Variants in KCNIP4 observed in about 807,000 individuals in gnomAD.
KCNIP4 encodes Kv channel-interacting protein 4.
KCNIP4 carries 12 observed loss-of-function variants against 34.0 expected under a neutral mutation model. The ratio of observed to expected loss-of-function variants is 0.35; its 90% CI spans 0.23 to 0.57. The LOEUF (loss-of-function observed/expected upper bound fraction) is 0.57. Ranked by LOEUF, KCNIP4 falls within the 20% of genes least tolerant of loss-of-function variation. The pLI, the probability that KCNIP4 is intolerant of heterozygous loss-of-function variation, is 0.83. For synonymous variants in KCNIP4, 124 were observed against 102.2 expected (o/e 1.21, Z -1.29); for missense variants, 238 against 311.7 (o/e 0.76, Z 1.78).
chr4:21,518,627 G>T (rs2279674), intron 1 of KCNIP4, among the ~76,000 whole-genome samples: 44,829 of 151,874 alleles, frequency 0.3, 6,666 homozygotes, highest in East Asian at 0.33. Flanking sequence ...ATATCCCTAC[G>T]CTGTGGTGGA....
chr4:21,139,561 T>C (rs1751777235), intron 1 of KCNIP4, among the ~76,000 whole-genome samples: 1 of 152,184 alleles, frequency 6.6e-6, no homozygotes, highest in African/African-American at 2.4e-5. Context: ...ACGATTATCT[T>C]GCTGTGATCA....
intron 1 of KCNIP4, among the ~76,000 whole-genome samples, chr4:21,476,451 A>G (rs535123676): frequency 6.6e-6 from 1 of 152,200 alleles, no homozygotes; most frequent in Admixed American, 6.5e-5. Context: ...CCTCATAAGA[A>G]GAGGAAGATG....
intron 1 of KCNIP4, among the ~76,000 whole-genome samples, chr4:20,922,559 A>G (rs200892991): frequency 0.2 from 22,115 of 109,740 alleles, 1,739 homozygotes; most frequent in East Asian, 0.26. Flanking sequence ...CTATCTATCT[A>G]TCTATCTATC....
intron 1 of KCNIP4, among the ~76,000 whole-genome samples, chr4:21,417,705 C>T (rs1262409160): frequency 6.6e-6 from 1 of 152,052 alleles, no homozygotes; most frequent in African/African-American, 2.4e-5. Context: ...TGAAGTAGTC[C>T]TCGGATTTTT....
chr4:21,037,513 A>T (rs1262638056), intron 1 of KCNIP4, among the ~76,000 whole-genome samples: 1 of 152,228 alleles, frequency 6.6e-6, no homozygotes, highest in African/African-American at 2.4e-5. Flanking sequence ...GGGCTATATC[A>T]TATAGCCTAA....
chr4:21,877,347 C>T (rs1726185111), intron 1 of KCNIP4, among the ~76,000 whole-genome samples: 2 of 151,724 alleles, frequency 1.3e-5, no homozygotes, highest in Admixed American at 1.3e-4. Flanking sequence ...GAGTGAAACT[C>T]CATCTCAAAA....
chr4:21,845,419 T>A (rs949368861), intron 1 of KCNIP4: 2 of 152,100 alleles, frequency 1.3e-5, no homozygotes, highest in African/African-American at 4.8e-5. Flanking sequence ...TTTATAAACA[T>A]AAAAATCGTT....
At chr4:21,444,528 A>T (rs1487386041) in intron 1 of KCNIP4, among the ~76,000 whole-genome samples, 1 of 152,200 alleles carries the variant, frequency 6.6e-6, no homozygotes, top group Non-Finnish European at 1.5e-5. Context: ...CAAAAACCAC[A>T]TGATTATCTC....
chr4:21,219,906 T>C (rs113806357), intron 1 of KCNIP4, among the ~76,000 whole-genome samples: 73 of 152,210 alleles, frequency 4.8e-4, no homozygotes, highest in Non-Finnish European at 9.8e-4. Flanking sequence ...TGAGTTCTTC[T>C]TCTGTATAAA....
intron 2 of KCNIP4, among the ~76,000 whole-genome samples, chr4:20,874,049 G>A (rs1056920563): frequency 1.3e-5 from 2 of 152,080 alleles, no homozygotes; most frequent in African/African-American, 4.8e-5. Context: ...GTAGTAGCAG[G>A]AGAATGACAG....
At chr4:21,936,957 G>T (rs1729893725) in intron 1 of KCNIP4, among the ~76,000 whole-genome samples, 1 of 151,762 alleles carries the variant, frequency 6.6e-6, no homozygotes. Flanking sequence ...TTACAGTTCT[G>T]ACTCTAGACT....
intron 1 of KCNIP4, among the ~76,000 whole-genome samples, chr4:21,653,026 G>A (rs1747629235): frequency 6.6e-6 from 1 of 152,174 alleles, no homozygotes; most frequent in Non-Finnish European, 1.5e-5. Flanking sequence ...ACAGAAAAAT[G>A]TAAATGTGGC....
chr4:20,833,124 T>C (rs1441106802), intron 3 of KCNIP4, among the ~76,000 whole-genome samples: 1 of 152,230 alleles, frequency 6.6e-6, no homozygotes, highest in Non-Finnish European at 1.5e-5. Flanking sequence ...AATATTTCTC[T>C]TCATGTGGCT....
chr4:21,700,984 C>A (rs4469066), intron 1 of KCNIP4, among the ~76,000 whole-genome samples: 4 of 151,808 alleles, frequency 2.6e-5, no homozygotes, highest in Admixed American at 6.6e-5. Flanking sequence ...TCACAATAGC[C>A]AAGATACAGA....
At chr4:21,385,363 G>A (rs1267112714) in intron 1 of KCNIP4, among the ~76,000 whole-genome samples, 1 of 152,108 alleles carries the variant, frequency 6.6e-6, no homozygotes, top group Non-Finnish European at 1.5e-5. Flanking sequence ...AAGACTCTAA[G>A]GCTCTACAAA....
chr4:20,921,215 G>T (rs1036304053), intron 1 of KCNIP4, among the ~76,000 whole-genome samples: 2 of 152,148 alleles, frequency 1.3e-5, no homozygotes, highest in Non-Finnish European at 2.9e-5. Flanking sequence ...TGGAGATAGA[G>T]AATTCTAAGT....
At chr4:21,118,507 C>T (rs1034059065) in intron 1 of KCNIP4, among the ~76,000 whole-genome samples, 9 of 152,218 alleles carry the variant, frequency 5.9e-5, no homozygotes, top group African/African-American at 2.2e-4. Context: ...CATTATAAAA[C>T]TTTCCCATTC....
chr4:20,849,885 T>G lies in KCNIP4; in HGVS notation c.288+658A>C, dbSNP rs536737128. Among the ~76,000 whole-genome samples the G allele has an allele frequency of 1.5e-4, 23 of 152,342 alleles. No homozygotes were observed. In the South Asian group the frequency reaches 4.8e-3, roughly 32 times the overall value. On this transcript the variant is annotated intron_variant, in intron 3 of 8. Coordinates refer to ENST00000382152, the MANE Select transcript of KCNIP4 (RefSeq NM_025221.6). ...TGGCTTTTGAATAACCTGCAGCATC[T>G]AGTTTAACCCTTAGCACATACAAAG...
intron 1 of KCNIP4, chr4:21,850,262 A>C (rs1486790879): frequency 6.6e-6 from 1 of 152,130 alleles, no homozygotes; most frequent in Non-Finnish European, 1.5e-5. Context: ...CAACTGAGAG[A>C]CACTAATGAA....
Sources: allele counts gnomAD v4.1 joint callset (sites outside exome capture counted in the v4.1 genomes callset), GRCh38; gene constraint gnomAD v4.1.1; transcripts MANE v1.5; gene names NCBI Gene and HGNC (gene_info 2026-07-23, HGNC 2026-07-21).